Variants in SPOP observed in about 807,000 individuals in gnomAD.
SPOP encodes the protein speckle-type POZ protein.
In SPOP, 11 loss-of-function variants were observed where a neutral mutation model predicts 45.6. The observed-to-expected ratio is 0.24, with a 90% CI of 0.15 to 0.40. The LOEUF (loss-of-function observed/expected upper bound fraction) is 0.40, where lower values mean the gene tolerates loss of function less well. Among genes scored for constraint, SPOP ranks in the 10% least tolerant of loss-of-function variants. The probability of loss-of-function intolerance (pLI) is 1.00; values close to 1 mark genes in which losing one functional copy is unlikely to be tolerated. For missense variants in SPOP, 152 were observed against 465.6 expected (o/e 0.33, Z 6.20); for synonymous variants, 166 against 166.3 (o/e 1.00, Z 0.01).
At chr17:49,638,248 T>C (rs192994073) in intron 1 of SPOP, among the ~76,000 whole-genome samples, 1 of 152,294 alleles carries the variant, frequency 6.6e-6, no homozygotes, top group African/African-American at 2.4e-5. Context: ...TATTCCCTTT[T>C]GTGAGAAAAT....
intron 5 of SPOP, among the ~76,000 whole-genome samples, chr17:49,614,032 C>T (rs1222848846): frequency 6.6e-6 from 1 of 152,140 alleles, no homozygotes; most frequent in Non-Finnish European, 1.5e-5. Flanking sequence ...AAAAGGGTCT[C>T]ACTTTTAAAG....
intron 5 of SPOP, among the ~76,000 whole-genome samples, chr17:49,611,689 A>G (rs2071976686): frequency 6.6e-6 from 1 of 152,094 alleles, no homozygotes; most frequent in Non-Finnish European, 1.5e-5. Flanking sequence ...GAGCCCCACA[A>G]ATCTCTTTTT....
At chr17:49,665,649 GACACAC>G (rs71352530) in intron 1 of SPOP, among the ~76,000 whole-genome samples, 5,747 of 126,706 alleles carry the variant, frequency 0.045, 416 homozygotes, top group African/African-American at 0.15. Flanking sequence ...TATATATACA[GACACAC>G]ACACACACAC....
rs148851634 is a variant in SPOP, at chr17:49,601,888, A to T, written c.957T>A (p.Thr319=). ...ACTAGTTGATGAAATCCACTGCCTG[A>T]GTTTTCAACTGATCTGCACTGTGGA... The part of the protein sequence containing the change: ...ADLHSADQLK[T]QAVDFINYHA... The change falls in exon 9 of 10, where the codon ACT becomes ACA. Residue 319 remains threonine, a synonymous_variant. Transcript: ENST00000504102. The T allele has an allele frequency of 1.2e-6, 2 of 1,614,084 alleles. No homozygotes were observed.
rs1424731908 is a variant in SPOP at position 49,645,358 on chromosome 17, G to GGC, written c.-66-22483_-66-22482insGC. Among the ~76,000 whole-genome samples the GGC allele has an allele frequency of 1.1e-3, 171 of 151,630 alleles. 2 individuals are homozygous for GGC. The highest frequency in any genetic ancestry group is 3.8e-3 in the African/African-American group (158 of 41,302). On this transcript the variant is annotated intron_variant, in intron 1 of 9. Transcript: ENST00000504102. Reference sequence around the variant, plus strand: ...TCTGTCACCCAGGCTGGAGTACAGTGATTCGATCTCTGCTCACTGCAACCT... The same window carrying GGC: ...TCTGTCACCCAGGCTGGAGTACAGTGGCATTCGATCTCTGCTCACTGCAACCT...
intron 5 of SPOP, among the ~76,000 whole-genome samples, chr17:49,615,247 T>C (rs962860662): frequency 6.6e-6 from 1 of 152,236 alleles, no homozygotes; most frequent in East Asian, 1.9e-4. Context: ...TTCACATTTA[T>C]GTTATTTCAT....
chr17:49,672,297 A>G (rs1567807996), intron 1 of SPOP, among the ~76,000 whole-genome samples: 1 of 152,228 alleles, frequency 6.6e-6, no homozygotes, highest in Non-Finnish European at 1.5e-5. Context: ...CATGAGGTGA[A>G]ATGTTGCTGG....
intron 1 of SPOP, among the ~76,000 whole-genome samples, chr17:49,641,438 G>C (rs2072648613): frequency 6.6e-6 from 1 of 151,056 alleles, no homozygotes; most frequent in Non-Finnish European, 1.5e-5. Context: ...GTTCTTGTCT[G>C]TTTTGCTGCT....
chr17:49,640,368 T>A (rs909491461), intron 1 of SPOP, among the ~76,000 whole-genome samples: 8 of 151,514 alleles, frequency 5.3e-5, no homozygotes, highest in East Asian at 1.9e-4. Flanking sequence ...ACAGTTTTTT[T>A]AAAAAAAAAG....
rs2073160269 is a variant in SPOP at position 49,673,314 on chromosome 17, G to A, written c.-67+4619C>T. 2.0e-5 allele frequency among the ~76,000 whole-genome samples: 3 copies of A among 152,114 alleles called. No homozygotes were observed. In the South Asian group the frequency reaches 6.2e-4, roughly 32 times the overall value. ...AGGTCAGGAGATCAAGACCATCCTGGCTAACATGGTGAAACACCATCTCTA... is the reference window on the plus strand; with the variant it reads ...AGGTCAGGAGATCAAGACCATCCTGACTAACATGGTGAAACACCATCTCTA... On this transcript the variant is annotated intron_variant, in intron 1 of 9. Coordinates refer to ENST00000504102, the MANE Select transcript of SPOP (RefSeq NM_001007228.2).
intron 1 of SPOP, among the ~76,000 whole-genome samples, chr17:49,671,006 C>A (rs751114259): frequency 3.3e-5 from 5 of 152,108 alleles, no homozygotes; most frequent in Admixed American, 6.5e-5. Context: ...TAGAAACACA[C>A]AATTTCAACT....
At chr17:49,608,820 A>G (rs542824253) in intron 6 of SPOP, among the ~76,000 whole-genome samples, 1 of 152,356 alleles carries the variant, frequency 6.6e-6, no homozygotes, top group South Asian at 2.1e-4. Flanking sequence ...CAAAATATAT[A>G]GTAGAAAGGT....
At position 49,599,851 on chromosome 17, in the gene SPOP, T is replaced by C. The variant is rs1281137740; in HGVS notation, c.*527A>G. The C allele has an allele frequency of 1.4e-5, 3 of 217,490 alleles. No individual in the cohort carries two copies. Among genetic ancestry groups the C allele is most frequent in the African/African-American group, 2.3e-5 (1 of 44,366 alleles). 13.5% of individuals were successfully genotyped at this position (217,490 alleles called of 1,614,324 possible). A position where few individuals can be genotyped will look rare whatever the true frequency, so the allele number is the denominator to read the frequency against. On this transcript the variant is annotated 3_prime_UTR_variant, in exon 10 of 10. Coordinates refer to ENST00000504102, the MANE Select transcript of SPOP (RefSeq NM_001007228.2). Reference sequence around the variant, plus strand: ...TGATGCTTGTATGGTGGTAAGGAGTTTTCACAAATATCCAAGTTTTAGCAC... The same window carrying C: ...TGATGCTTGTATGGTGGTAAGGAGTCTTCACAAATATCCAAGTTTTAGCAC...
intron 1 of SPOP, among the ~76,000 whole-genome samples, chr17:49,626,160 T>C (rs767421419): frequency 1.4e-4 from 22 of 152,166 alleles, no homozygotes; most frequent in African/African-American, 5.1e-4. Context: ...CCCTCCTTGC[T>C]TGGCTACTAA....
At chr17:49,657,696 CTTTTTT>C (rs34194099) in intron 1 of SPOP, among the ~76,000 whole-genome samples, 61 of 100,954 alleles carry the variant, frequency 6.0e-4, no homozygotes, top group East Asian at 2.0e-3. Context: ...CGCACCCGGC[CTTTTTT>C]TTTTTTTTTT....
At chr17:49,671,931 G>T (rs1044711099) in intron 1 of SPOP, among the ~76,000 whole-genome samples, 37 of 152,108 alleles carry the variant, frequency 2.4e-4, no homozygotes, top group Non-Finnish European at 4.4e-5. Flanking sequence ...ACAAGGTCAG[G>T]AGATCGAGAC....
chr17:49,618,901 T>C, intron 5 of SPOP, 80 bp downstream of exon 5: 4 of 1,495,124 alleles, frequency 2.7e-6, no homozygotes, highest in Non-Finnish European at 3.6e-6. Context: ...TTACTCTACA[T>C]CCCTGATACA....
At chr17:49,616,019 T>C (rs1280640886) in intron 5 of SPOP, among the ~76,000 whole-genome samples, 2 of 152,202 alleles carry the variant, frequency 1.3e-5, no homozygotes, top group Non-Finnish European at 2.9e-5. Flanking sequence ...TTGGAAGAAC[T>C]GCCACATTTC....
intron 1 of SPOP, among the ~76,000 whole-genome samples, chr17:49,635,504 A>T (rs950019534): frequency 1.3e-5 from 2 of 152,164 alleles, no homozygotes. Context: ...AATGGTGGAG[A>T]GTTTTTTTTC....
Sources: gnomAD v4.1 joint callset for allele counts (sites outside exome capture counted in the v4.1 genomes callset) on GRCh38, gnomAD v4.1.1 for gene constraint, MANE v1.5 for transcripts, NCBI Gene and HGNC (gene_info 2026-07-23, HGNC 2026-07-21) for gene names.